FRMD4A: variants seen among roughly 807,000 people sequenced by gnomAD.
FRMD4A encodes FERM domain containing 4A.
In FRMD4A, 29 loss-of-function variants were observed where a neutral mutation model predicts 129.1. That is an observed-to-expected ratio of 0.22 (90% CI 0.17 to 0.31). The LOEUF (loss-of-function observed/expected upper bound fraction) is 0.31, where lower values mean the gene tolerates loss of function less well. Among genes scored for constraint, FRMD4A ranks in the 10% least tolerant of loss-of-function variants. The probability of loss-of-function intolerance (pLI) is 1.00; values close to 1 mark genes in which losing one functional copy is unlikely to be tolerated. For missense variants in FRMD4A, 1,272 were observed against 1,375.8 expected, an observed-to-expected ratio of 0.92 and a Z score of 1.19; for synonymous variants, 634 against 571.6, an observed-to-expected ratio of 1.11 and a Z score of -1.56.
chr10:14,268,163 C>G (rs1198491169), intron 2 of FRMD4A, among the ~76,000 whole-genome samples: 3 of 152,146 alleles, frequency 2.0e-5, no homozygotes, highest in Non-Finnish European at 2.9e-5. Context: ...TTACTGTGTT[C>G]TTTATCTATC....
chr10:14,227,143 G>C (rs1455239244), intron 2 of FRMD4A, among the ~76,000 whole-genome samples: 1 of 151,424 alleles, frequency 6.6e-6, no homozygotes, highest in Non-Finnish European at 1.5e-5. Flanking sequence ...CAGGCACTTG[G>C]GCATGCTCTT....
At chr10:14,287,398 GT>G (rs1234684832) in intron 2 of FRMD4A, among the ~76,000 whole-genome samples, 2 of 152,168 alleles carry the variant, frequency 1.3e-5, no homozygotes, top group Non-Finnish European at 2.9e-5. Context: ...TTTACAGTTA[GT>G]AGTTACAGAA....
chr10:13,963,931 C>T (rs576122147), intron 2 of FRMD4A, among the ~76,000 whole-genome samples: 30 of 152,292 alleles, frequency 2.0e-4, no homozygotes, highest in Non-Finnish European at 3.1e-4. Context: ...GATGTTCATT[C>T]TAGCCACTGG....
intron 2 of FRMD4A, among the ~76,000 whole-genome samples, chr10:13,954,866 C>T (rs573075017): frequency 2.6e-4 from 40 of 152,326 alleles, no homozygotes; most frequent in South Asian, 2.5e-3. Flanking sequence ...TCTCATGTTA[C>T]ACTTTTAACT....
chr10:13,691,189 C>G (rs1456431450), intron 15 of FRMD4A, among the ~76,000 whole-genome samples: 3 of 152,172 alleles, frequency 2.0e-5, no homozygotes, highest in African/African-American at 7.2e-5. Flanking sequence ...GCTTTCACCA[C>G]GTTAGCCAGG....
intron 2 of FRMD4A, among the ~76,000 whole-genome samples, chr10:14,037,321 G>C (rs931214481): frequency 6.6e-6 from 1 of 152,112 alleles, no homozygotes; most frequent in Non-Finnish European, 1.5e-5. Context: ...GGGCTCAAGC[G>C]ATTCTCCTGC....
intron 2 of FRMD4A, among the ~76,000 whole-genome samples, chr10:14,171,651 TA>T (rs1455690883): frequency 6.6e-6 from 1 of 152,184 alleles, no homozygotes; most frequent in Non-Finnish European, 1.5e-5. Context: ...AATCCCAAGA[TA>T]AAAATGCATT....
At chr10:13,787,185 C>T (rs2092886393) in intron 5 of FRMD4A, among the ~76,000 whole-genome samples, 1 of 152,176 alleles carries the variant, frequency 6.6e-6, no homozygotes, top group Non-Finnish European at 1.5e-5. Flanking sequence ...AAAGCAGTTT[C>T]CTGTTAACTT....
chr10:14,128,046 C>CTCTTTCTTTCTTTCTTTCTT (rs534411383), intron 2 of FRMD4A, among the ~76,000 whole-genome samples: 1 of 77,970 alleles, frequency 1.3e-5, no homozygotes, highest in African/African-American at 5.4e-5. Context: ...CTTTCTTTCC[C>CTCTTTCTTTCTTTCTTTCTT]TCTTTCTTTC....
chr10:14,002,935 T>C (rs1171834189), intron 2 of FRMD4A, among the ~76,000 whole-genome samples: 1 of 152,126 alleles, frequency 6.6e-6, no homozygotes, highest in Non-Finnish European at 1.5e-5. Flanking sequence ...CCACGCATGG[T>C]TGGAATATAA....
intron 2 of FRMD4A, among the ~76,000 whole-genome samples, chr10:14,141,192 A>C (rs1178973839): frequency 6.6e-6 from 1 of 152,148 alleles, no homozygotes; most frequent in African/African-American, 2.4e-5. Context: ...TGGGTAGAGA[A>C]AGGGCCTTCG....
At chr10:13,890,216 A>G (rs2094678719) in intron 2 of FRMD4A, among the ~76,000 whole-genome samples, 1 of 152,240 alleles carries the variant, frequency 6.6e-6, no homozygotes, top group Non-Finnish European at 1.5e-5. Context: ...GATACAATTT[A>G]AAGACCAAAA....
At chr10:14,220,814 G>GTT (rs1164622861) in intron 2 of FRMD4A, among the ~76,000 whole-genome samples, 22 of 18,388 alleles carry the variant, frequency 1.2e-3, no homozygotes, top group Non-Finnish European at 1.9e-3. Context: ...GTGTGTGTTT[G>GTT]TGTGTGTGTG....
At chr10:14,297,896 T>TG (rs1846060973) in intron 2 of FRMD4A, among the ~76,000 whole-genome samples, 1 of 152,114 alleles carries the variant, frequency 6.6e-6, no homozygotes, top group South Asian at 2.1e-4. Flanking sequence ...TTTTAGGAGG[T>TG]GAAAAGCCAA....
At chr10:13,850,997 C>T (rs1229907486) in intron 3 of FRMD4A, among the ~76,000 whole-genome samples, 2 of 152,050 alleles carry the variant, frequency 1.3e-5, no homozygotes, top group Non-Finnish European at 2.9e-5. Context: ...GGTGGATCAC[C>T]TGAGATCAGG....
intron 2 of FRMD4A, among the ~76,000 whole-genome samples, chr10:13,921,254 C>CTT (rs372250421): frequency 1.7e-3 from 9 of 5,326 alleles, no homozygotes; most frequent in South Asian, 0.016. Flanking sequence ...CTCTTTCTCT[C>CTT]TCTCTCTCTC....
chr10:13,921,006 C>T (rs1402158097), intron 2 of FRMD4A, among the ~76,000 whole-genome samples: 1 of 152,138 alleles, frequency 6.6e-6, no homozygotes, highest in African/African-American at 2.4e-5. Context: ...GTTCAGGCTG[C>T]TATAGCAAAA....
chr10:13,982,625 C>T (rs2095566381), intron 2 of FRMD4A, among the ~76,000 whole-genome samples: 1 of 152,178 alleles, frequency 6.6e-6, no homozygotes, highest in Non-Finnish European at 1.5e-5. Flanking sequence ...AGAATCTAGA[C>T]AGACAGGCCT....
intron 2 of FRMD4A, among the ~76,000 whole-genome samples, chr10:14,225,201 T>A (rs1485517407): frequency 6.6e-6 from 1 of 152,232 alleles, no homozygotes; most frequent in Non-Finnish European, 1.5e-5. Flanking sequence ...TCGTCACTAC[T>A]AAAATCATCA....
Sources: gnomAD v4.1 joint callset for allele counts (sites outside exome capture counted in the v4.1 genomes callset) on GRCh38, gnomAD v4.1.1 for gene constraint, MANE v1.5 for transcripts, NCBI Gene and HGNC (gene_info 2026-07-23, HGNC 2026-07-21) for gene names.